The following SECISBP2L variants were observed in gnomAD, a reference collection of about 807,000 sequenced individuals.
The protein encoded by SECISBP2L is SECIS binding protein 2 like, also known as selenocysteine insertion sequence-binding protein 2-like.
In SECISBP2L, 43 loss-of-function variants were observed where a neutral mutation model predicts 114.7. The observed-to-expected ratio is 0.38, with a 90% CI of 0.29 to 0.48. The LOEUF is 0.48. Ranked by LOEUF, SECISBP2L falls within the 20% of genes least tolerant of loss-of-function variation. SECISBP2L has a pLI of 0.98. For synonymous variants in SECISBP2L, 451 were observed against 439.7 expected, an observed-to-expected ratio of 1.03 and a Z score of -0.32; for missense variants, 1,136 against 1,301.1, an observed-to-expected ratio of 0.87 and a Z score of 1.95.
Position 49,001,031 on chromosome 15 carries a change from G to C in SECISBP2L, c.2094C>G (p.Val698=). 1 of 1,613,656 alleles carries C rather than the reference G, an allele frequency of 6.2e-7. No homozygotes were observed. Among genetic ancestry groups the C allele is most frequent in the Non-Finnish European group, 8.5e-7 (1 of 1,179,842 alleles). The change falls in exon 15 of 18, where the codon GTC becomes GTG. Residue 698 remains valine (V), a synonymous_variant. Transcript: ENST00000559471. ...ECVTLLLQEL[V]SFQERIYQKD... is the part of the protein sequence containing the mutation. The stretch of plus-strand genomic sequence containing the variant: ...TTTGGTAGATGCGTTCCTGGAAACT[G>C]ACAAGCTCTTGGAGAAGAAGAGTCA...
At position 49,035,354 on chromosome 15, in the gene SECISBP2L, T is replaced by C. The variant is rs1902982838; in HGVS notation, c.508A>G (p.Arg170Gly). The C allele has an allele frequency of 2.5e-6, 4 of 1,614,010 alleles. No homozygotes were observed. The highest frequency in any genetic ancestry group is 3.4e-6 in the Non-Finnish European group (4 of 1,179,978). ...CTTACTTTTGGGACCACTGATCCTC[T>C]GTTACTGTTTCTGCTTCGATGGCTG... ...LSSHRSRNSN[R>G]GSVVPKQQLL... The change falls in exon 3 of 18, where the codon AGA becomes GGA. Residue 170 changes from arginine (R) to glycine (G), a missense_variant. By Grantham distance (125) the Arg-to-Gly change is moderately radical (BLOSUM62 -2). Coordinates refer to ENST00000559471, the MANE Select transcript of SECISBP2L (RefSeq NM_001193489.2).
rs760592631 is a variant in SECISBP2L, at chr15:48,992,265, A to C, written c.3285T>G (p.Asn1095Lys). Residue 1095 changes from asparagine to lysine, a missense_variant, in exon 18 of 18, where the codon AAT becomes AAG. This residue lies in a region of SECISBP2L where 684 missense variants were observed against 848.7 expected (regional missense o/e 0.81). Transcript: ENST00000559471. ...TGAGTTACGTAGTTTGCGTTGTGTA[A>C]TTAGAATCAGAGTGCTCTTTGTTGA... ...SSLNKEHSDS[N>K]YTTQTT is the part of the protein sequence containing the mutation. 6.2e-7 allele frequency: 1 copy of C among 1,606,556 alleles called. No homozygotes were observed. Among genetic ancestry groups the C allele is most frequent in the East Asian group, 2.2e-5 (1 of 44,758 alleles).
In SECISBP2L at chr15:49,035,315, A is replaced by G. The variant is rs368872378; in HGVS notation, c.528+19T>C. The G allele has an allele frequency of 1.2e-4, 195 of 1,602,876 alleles. No homozygotes were observed. Among genetic ancestry groups the G allele is most frequent in the Non-Finnish European group, 8.8e-5 (103 of 1,174,270 alleles). Reference sequence around the variant, plus strand: ...TAAGTAATATCAAATTTAAAAGCCAATCAAGACCAGACACTTACTTTTGGG... The same window carrying G: ...TAAGTAATATCAAATTTAAAAGCCAGTCAAGACCAGACACTTACTTTTGGG... On this transcript the variant is annotated intron_variant, in intron 3 of 17. Transcript: ENST00000559471.
At chr15:49,041,684 A>G (rs2141089206) in intron 1 of SECISBP2L, among the ~76,000 whole-genome samples, 1 of 152,346 alleles carries the variant, frequency 6.6e-6, no homozygotes, top group East Asian at 1.9e-4. Context: ...AAGTTGGAAC[A>G]TAACGAGACA....
chr15:48,998,816 C>T (rs957473000), intron 16 of SECISBP2L, among the ~76,000 whole-genome samples: 13 of 152,178 alleles, frequency 8.5e-5, no homozygotes, highest in African/African-American at 2.4e-4. Flanking sequence ...GGCTAACAGG[C>T]ATGAGCTACC....
chr15:49,017,846 T>G (rs1381522739), intron 8 of SECISBP2L: 1 of 369,568 alleles, frequency 2.7e-6, no homozygotes, highest in Non-Finnish European at 4.8e-6. Context: ...GTCCAGTTTT[T>G]GGATTTCTGC....
At chr15:49,027,607 A>ATTTTTTTTTTTTTTTTTT (rs561310621) in intron 6 of SECISBP2L, 127 bp from the exon 7 acceptor site, 1 of 319,958 alleles carries the variant, frequency 3.1e-6, no homozygotes. Flanking sequence ...TATAAACCTT[A>ATTTTTTTTTTTTTTTTTT]TTATTTTTTT....
At chr15:49,046,217 C>T (rs938336874) in intron 1 of SECISBP2L, 59 bp downstream of exon 1, 3 of 1,555,606 alleles carry the variant, frequency 1.9e-6, no homozygotes, top group Admixed American at 1.9e-5. Context: ...TGGGCCTGGC[C>T]TGTGAGGAAG....
At position 49,016,842 on chromosome 15, in the gene SECISBP2L, A is replaced by C. The variant is rs747793059; in HGVS notation, c.1419+6T>G. On this transcript the variant is annotated splice_donor_region_variant and intron_variant, in intron 10 of 17. Coordinates refer to ENST00000559471, the MANE Select transcript of SECISBP2L (RefSeq NM_001193489.2). Reference sequence around the variant, plus strand: ...ATCACATTTGTTCATAAAAATGAATATGTACCTGTAATTTTTTTTGCTCCA... The same window carrying C: ...ATCACATTTGTTCATAAAAATGAATCTGTACCTGTAATTTTTTTTGCTCCA... 9 of 1,610,406 alleles carry C rather than the reference A, an allele frequency of 5.6e-6. No individual in the cohort carries two copies. The South Asian group carries it at 7.8e-5, about 14-fold the overall frequency.
chr15:49,013,423 A>C (rs1902477611), intron 11 of SECISBP2L, among the ~76,000 whole-genome samples: 1 of 152,062 alleles, frequency 6.6e-6, no homozygotes, highest in Non-Finnish European at 1.5e-5. Flanking sequence ...CAGCCTCCCG[A>C]GTAGCTGGGA....
rs1210355044 is a variant in SECISBP2L at position 48,992,383 on chromosome 15, G to A, written c.3167C>T (p.Pro1056Leu). The change falls in exon 18 of 18, where the codon CCT (proline) becomes CTT (leucine). Residue 1056 changes from proline (P) to leucine (L), a missense_variant. Pro to Leu is a moderately conservative substitution (Grantham distance 98). Coordinates refer to ENST00000559471, the MANE Select transcript of SECISBP2L (RefSeq NM_001193489.2). The stretch of plus-strand genomic sequence containing the variant: ...GTCCATCCCTGGCTCCAGCACCTCA[G>A]GCGCCTCTGCTTCCTCTTCTCCACT... ...EQSGEEEAEA[P>L]EVLEPGMDSE... 3.1e-6 allele frequency: 5 copies of A among 1,614,026 alleles called. No individual in the cohort carries two copies. Among genetic ancestry groups the A allele is most frequent in the Admixed American group, 1.7e-5 (1 of 59,992 alleles).
In SECISBP2L at chr15:49,019,537, G is replaced by A. The variant is rs750394782; in HGVS notation, c.1051C>T (p.Arg351Ter). Residue 351 changes from arginine (R) to a stop codon, truncating the protein, a stop_gained, in exon 8 of 18, where the codon CGA becomes TGA. Transcript: ENST00000559471. LOFTEE classifies it high-confidence loss of function. The part of the protein sequence containing the change: ...RNNSQVGFRC[R>*]GHSTSSERRQ... ...CTTTCTGAGGAAGTACTGTGTCCTCGGCATCTGAATCCAACCTAAGTAAAC... is the reference window on the plus strand; with the variant it reads ...CTTTCTGAGGAAGTACTGTGTCCTCAGCATCTGAATCCAACCTAAGTAAAC... 8.6e-5 allele frequency: 127 copies of A among 1,481,972 alleles called. No individual in the cohort carries two copies. Among genetic ancestry groups the A allele is most frequent in the Middle Eastern group, 5.2e-4 (3 of 5,794 alleles). 91.8% of individuals were successfully genotyped at this position (1,481,972 alleles called of 1,614,324 possible).
chr15:49,035,781 G>A lies in SECISBP2L; in HGVS notation c.204-123C>T, dbSNP rs1233460494. On this transcript the variant is annotated intron_variant, in intron 2 of 17. Coordinates refer to ENST00000559471, the MANE Select transcript of SECISBP2L (RefSeq NM_001193489.2). ...AACAGTGGCTTCATGATAATTTTGG[G>A]AAAGGAGACAAAACTATCATCATCT... 8.1e-6 allele frequency: 7 copies of A among 867,062 alleles called. No individual in the cohort carries two copies. The African/African-American group carries it at 1.0e-4, about 13-fold the overall frequency. 53.7% of individuals were successfully genotyped at this position (867,062 alleles called of 1,614,324 possible). A position where few individuals can be genotyped will look rare whatever the true frequency, so the allele number is the denominator to read the frequency against.
chr15:49,007,849 G>A (rs933923030), intron 14 of SECISBP2L, among the ~76,000 whole-genome samples: 2 of 152,100 alleles, frequency 1.3e-5, no homozygotes, highest in African/African-American at 2.4e-5. Flanking sequence ...CTAGAGCTCC[G>A]AAAATTTATG....
At chr15:49,039,529 C>CT (rs1207046596) in intron 1 of SECISBP2L, among the ~76,000 whole-genome samples, 163 of 135,538 alleles carry the variant, frequency 1.2e-3, no homozygotes, top group Middle Eastern at 3.9e-3. Flanking sequence ...TTTTTTCTTT[C>CT]TTTTTTTTTT....
intron 2 of SECISBP2L, chr15:49,037,267 A>T (rs1903028397): frequency 7.9e-6 from 1 of 126,186 alleles, no homozygotes; most frequent in Admixed American, 1.6e-4. Context: ...TTAGATGTTC[A>T]ATCTCAAAAA....
At position 49,019,426 on chromosome 15, in the gene SECISBP2L, A is replaced by T; in HGVS notation, c.1162T>A (p.Tyr388Asn). The T allele has an allele frequency of 6.9e-7, 1 of 1,445,328 alleles. No individual in the cohort carries two copies. 89.5% of individuals were successfully genotyped at this position (1,445,328 alleles called of 1,614,324 possible). A position where few individuals can be genotyped will look rare whatever the true frequency, so the allele number is the denominator to read the frequency against. ...HRSDPNSESL[Y>N]FEDEDGFQEL... ...GAGTTTGAAAAAAATACCTCAAAAT[A>T]TAAAGACTCAGAATTTGGATCGCTT... The change falls in exon 8 of 18, where the codon TAT (tyrosine) becomes AAT (asparagine). Residue 388 changes from tyrosine (Y) to asparagine (N), a missense_variant. Physicochemically the swap from Tyr to Asn is moderately radical, Grantham distance 143. This residue lies in a region of SECISBP2L where 684 missense variants were observed against 848.7 expected (regional missense o/e 0.81). Transcript: ENST00000559471.
At chr15:49,027,585 T>A (rs1902770886) in intron 6 of SECISBP2L, 105 bp from the exon 7 acceptor site, 1 of 585,770 alleles carries the variant, frequency 1.7e-6, no homozygotes, top group Non-Finnish European at 2.8e-6. Context: ...AATGTAATAG[T>A]GAAAATTTTT....
chr15:49,035,284 C>T, intron 3 of SECISBP2L, 50 bp downstream of exon 3: 1 of 1,509,946 alleles, frequency 6.6e-7, no homozygotes. Context: ...ATTGCTTATA[C>T]TAATATAAGT....
Sources: allele counts gnomAD v4.1 joint callset (sites outside exome capture counted in the v4.1 genomes callset), GRCh38; gene constraint gnomAD v4.1.1; regional missense constraint gnomAD v4.1.1; transcripts MANE v1.5; gene names NCBI Gene and HGNC (gene_info 2026-07-23, HGNC 2026-07-21).